Variants in ERC2 observed in about 807,000 individuals in gnomAD.
ERC2 encodes ELKS/RAB6-interacting/CAST family member 2, also known as ERC protein 2.
A neutral mutation model predicts 114.8 loss-of-function variants in ERC2; 42 were observed. That is an observed-to-expected ratio of 0.37 (90% CI 0.29 to 0.47). ERC2 has a LOEUF of 0.47. Among genes scored for constraint, ERC2 ranks in the 20% least tolerant of loss-of-function variants. The pLI, the probability that ERC2 is intolerant of heterozygous loss-of-function variation, is 0.99. For synonymous variants in ERC2, 454 were observed against 425.5 expected (o/e 1.07, Z -0.82); for missense variants, 939 against 1,150.7 (o/e 0.82, Z 2.66).
chr3:56,100,345 C>T (rs957008620), intron 6 of ERC2, among the ~76,000 whole-genome samples: 2 of 152,086 alleles, frequency 1.3e-5, no homozygotes, highest in African/African-American at 4.8e-5. Context: ...AAAGCATATC[C>T]CTTTACCAAT....
At chr3:55,812,798 TA>T (rs1177084190) in intron 14 of ERC2, among the ~76,000 whole-genome samples, 1 of 152,260 alleles carries the variant, frequency 6.6e-6, no homozygotes, top group East Asian at 1.9e-4. Flanking sequence ...ATGTTATAAT[TA>T]ATCTGCTGAC....
intron 2 of ERC2, among the ~76,000 whole-genome samples, chr3:56,352,388 G>A (rs1181932872): frequency 2.0e-5 from 3 of 152,170 alleles, no homozygotes; most frequent in African/African-American, 7.2e-5. Flanking sequence ...AAGAAGAATG[G>A]CCTCAAAGTG....
intron 6 of ERC2, among the ~76,000 whole-genome samples, chr3:56,105,438 G>A (rs534998258): frequency 2.0e-5 from 3 of 152,104 alleles, no homozygotes; most frequent in African/African-American, 7.2e-5. Context: ...TTATCCTCCT[G>A]AGTAGCTAGG....
At chr3:56,287,141 A>G (rs894972078) in intron 3 of ERC2, among the ~76,000 whole-genome samples, 9 of 152,308 alleles carry the variant, frequency 5.9e-5, no homozygotes, top group African/African-American at 2.2e-4. Context: ...GATTTTACCA[A>G]ATTAGAAGAG....
At chr3:56,350,375 G>A (rs993643112) in intron 2 of ERC2, among the ~76,000 whole-genome samples, 12 of 152,182 alleles carry the variant, frequency 7.9e-5, no homozygotes, top group Non-Finnish European at 1.6e-4. Flanking sequence ...GTTGGCATAT[G>A]AGCCTTATTC....
At chr3:56,396,925 C>G (rs2060329591) in intron 2 of ERC2, among the ~76,000 whole-genome samples, 1 of 152,012 alleles carries the variant, frequency 6.6e-6, no homozygotes, top group Non-Finnish European at 1.5e-5. Flanking sequence ...TCCCACAGCC[C>G]TTCCTTTCTC....
At chr3:55,837,369 G>A (rs2060937190) in intron 14 of ERC2, among the ~76,000 whole-genome samples, 1 of 152,046 alleles carries the variant, frequency 6.6e-6, no homozygotes, top group Admixed American at 6.5e-5. Flanking sequence ...GTCCAACAAT[G>A]ATAGACTGGA....
chr3:56,011,691 T>C, intron 8 of ERC2, among the ~76,000 whole-genome samples: 1 of 152,032 alleles, frequency 6.6e-6, no homozygotes, highest in Admixed American at 6.6e-5. Flanking sequence ...TGAAATTAGT[T>C]TGAAATTATC....
intron 1 of ERC2, among the ~76,000 whole-genome samples, chr3:56,449,855 C>T (rs2062752156): frequency 6.6e-6 from 1 of 152,232 alleles, no homozygotes; most frequent in South Asian, 2.1e-4. Context: ...AACACAGTGG[C>T]TTTCAGCCTC....
At chr3:56,160,042 G>A (rs2081967826) in intron 4 of ERC2, among the ~76,000 whole-genome samples, 1 of 152,134 alleles carries the variant, frequency 6.6e-6, no homozygotes, top group African/African-American at 2.4e-5. Context: ...TCAAATAGTA[G>A]TTATCTTTTA....
chr3:56,268,992 A>T (rs1408552421), intron 3 of ERC2, among the ~76,000 whole-genome samples: 1 of 152,226 alleles, frequency 6.6e-6, no homozygotes, highest in Non-Finnish European at 1.5e-5. Flanking sequence ...AGTAACAATC[A>T]GCTAGGTTTG....
At chr3:56,438,133 T>C (rs959778778) in intron 1 of ERC2, among the ~76,000 whole-genome samples, 8 of 152,182 alleles carry the variant, frequency 5.3e-5, no homozygotes, top group Non-Finnish European at 7.4e-5. Context: ...GTTTTAAAAC[T>C]TGAGAAAGTT....
chr3:56,461,054 A>C (rs1459472996), intron 1 of ERC2, among the ~76,000 whole-genome samples: 1 of 151,666 alleles, frequency 6.6e-6, no homozygotes, highest in Non-Finnish European at 1.5e-5. Context: ...GTCTTCAGGA[A>C]CTTTTTAAGC....
At chr3:55,618,967 G>A (rs2059227382) in intron 17 of ERC2, among the ~76,000 whole-genome samples, 2 of 152,174 alleles carry the variant, frequency 1.3e-5, no homozygotes, top group African/African-American at 4.8e-5. Flanking sequence ...ACATATAACT[G>A]TTGTTCAAGC....
chr3:55,596,429 A>G (rs1374280072), intron 17 of ERC2, among the ~76,000 whole-genome samples: 3 of 152,040 alleles, frequency 2.0e-5, no homozygotes, highest in Admixed American at 1.3e-4. Context: ...AGAAAACAAA[A>G]TTAGCTTGGC....
At chr3:55,913,569 T>A (rs531385542) in intron 13 of ERC2, among the ~76,000 whole-genome samples, 1 of 152,306 alleles carries the variant, frequency 6.6e-6, no homozygotes, top group Non-Finnish European at 1.5e-5. Flanking sequence ...ACTTACTTTT[T>A]TGCTGACGTT....
chr3:56,249,054 C>G lies in ERC2; in HGVS notation c.1074+46965G>C, dbSNP rs192634488. 4.6e-5 allele frequency among the ~76,000 whole-genome samples: 7 copies of G among 152,254 alleles called. No individual in the cohort carries two copies. In the East Asian group the frequency reaches 1.4e-3, roughly 29 times the overall value. On this transcript the variant is annotated intron_variant, in intron 3 of 17. Coordinates refer to ENST00000288221, the MANE Select transcript of ERC2 (RefSeq NM_015576.3). ...AACTCAGTGTTTTGAGAAACATGGC[C>G]AAATGTATTTGAACATGAGGCCATC...
intron 15 of ERC2, among the ~76,000 whole-genome samples, chr3:55,706,009 C>T (rs571138357): frequency 6.6e-6 from 1 of 152,214 alleles, no homozygotes; most frequent in Admixed American, 6.5e-5. Context: ...GCATCTTCCT[C>T]GGCTTGAGGT....
chr3:56,212,794 T>C (rs79211524), intron 3 of ERC2, among the ~76,000 whole-genome samples: 2,284 of 143,512 alleles, frequency 0.016, 58 homozygotes, highest in African/African-American at 0.053. Flanking sequence ...CATATACATA[T>C]ACACACACAC....
Sources: gnomAD v4.1 joint callset for allele counts (sites outside exome capture counted in the v4.1 genomes callset) on GRCh38, gnomAD v4.1.1 for gene constraint, MANE v1.5 for transcripts, NCBI Gene and HGNC (gene_info 2026-07-23, HGNC 2026-07-21) for gene names.